Variants in ELAVL3 observed in about 807,000 individuals in gnomAD.
ELAVL3 encodes the protein ELAV-like protein 3.
Under a neutral mutation model 34.2 loss-of-function variants are expected in ELAVL3, and 8 were observed. The ratio of observed to expected loss-of-function variants is 0.23; its 90% CI spans 0.14 to 0.42. The LOEUF (loss-of-function observed/expected upper bound fraction) is 0.42. ELAVL3 is among the 10% of genes least tolerant of loss of function. ELAVL3 has a pLI of 1.00. For synonymous variants in ELAVL3, 209 were observed against 222.1 expected, an observed-to-expected ratio of 0.94 and a Z score of 0.53; for missense variants, 273 against 518.8, an observed-to-expected ratio of 0.53 and a Z score of 4.60.
chr19:11,457,028 A>G, intron 6 of ELAVL3, 82 bp downstream of exon 6: 2 of 1,247,318 alleles, frequency 1.6e-6, no homozygotes, highest in Non-Finnish European at 2.1e-6. Flanking sequence ...CTAAGCCTGC[A>G]GCCCTGGGGG....
chr19:11,458,692 T>A lies in ELAVL3; in HGVS notation c.334-81A>T. On this transcript the variant is annotated intron_variant, in intron 3 of 6. Coordinates refer to ENST00000359227, the MANE Select transcript of ELAVL3 (RefSeq NM_001420.4). This position sits in a 1 kb window ranked among gnomAD's most constrained non-coding sequence, Gnocchi z 7.3. ...AGAGAGTGAGGCCATGTCTAAACCA[T>A]CACGGAGTTAGCAGAAGTGACCCAT... The A allele has an allele frequency of 1.3e-6, 2 of 1,553,856 alleles. No individual in the cohort carries two copies. The highest frequency in any genetic ancestry group is 1.7e-6 in the Non-Finnish European group (2 of 1,144,226).
Position 11,454,830 on chromosome 19 carries a change from A to G in ELAVL3, c.800T>C (p.Met267Thr). The change falls in exon 7 of 7, where the codon ATG becomes ACG. Residue 267 changes from methionine to threonine, a missense_variant. Around this residue, in one of 4 missense-constraint regions of ELAVL3, gnomAD observed 79 missense variants for 108.2 expected, o/e 0.73. Transcript: ENST00000359227. This position sits in a 1 kb window ranked among gnomAD's most constrained non-coding sequence, Gnocchi z 9.2. Reference protein sequence around the residue: ...ARFSPIAIDGMSGLAGVGLSG... With the variant: ...ARFSPIAIDGTSGLAGVGLSG... ...CAGGCCCACGCCCGCCAGGCCGCTC[A>G]TACCATCGATGGCGATCGGCGAGAA... is the stretch of plus-strand genomic sequence containing the variant. The G allele has an allele frequency of 6.2e-7, 1 of 1,609,004 alleles. No individual in the cohort carries two copies.
chr19:11,467,685 C>T (rs185065817), intron 1 of ELAVL3, among the ~76,000 whole-genome samples: 9 of 152,014 alleles, frequency 5.9e-5, no homozygotes, highest in African/African-American at 1.7e-4. Flanking sequence ...GGTTTCGGCA[C>T]GTTGGCCAGG....
Position 11,480,104 on chromosome 19 carries a change from C to T in ELAVL3, c.9+496G>A. 6.5e-6 allele frequency: 1 copy of T among 153,184 alleles called. No individual in the cohort carries two copies. The highest frequency in any genetic ancestry group is 2.4e-5 in the African/African-American group (1 of 41,586). The allele number at this position is 153,184 out of a possible 1,614,324, so 9.5% of individuals were successfully genotyped here. On this transcript the variant is annotated intron_variant, in intron 1 of 6. Coordinates refer to ENST00000359227, the MANE Select transcript of ELAVL3 (RefSeq NM_001420.4). The surrounding 1 kb of genome is among the most constrained non-coding windows in gnomAD (Gnocchi z 6.8). ...CCCTCCCCGCTTGCCGCAAGGTCGA[C>T]GGGCTCGAGGACGAGACGCCCGCCT...
intron 3 of ELAVL3, among the ~76,000 whole-genome samples, chr19:11,463,876 G>A (rs1193494921): frequency 6.6e-6 from 1 of 151,898 alleles, no homozygotes; most frequent in African/African-American, 2.4e-5. Context: ...GGCTGAGGCA[G>A]GAGAATCGCT....
At chr19:11,464,673 TCACA>T (rs1169363494) in intron 3 of ELAVL3, among the ~76,000 whole-genome samples, 3 of 37,226 alleles carry the variant, frequency 8.1e-5, no homozygotes, top group Admixed American at 3.5e-4. Flanking sequence ...CATACACACA[TCACA>T]CACACACCCC....
chr19:11,469,079 C>G (rs1399383501), intron 1 of ELAVL3, among the ~76,000 whole-genome samples: 1 of 152,004 alleles, frequency 6.6e-6, no homozygotes, highest in African/African-American at 2.4e-5. Context: ...GCCTCCAAGC[C>G]TGGCTACTTT....
At position 11,455,283 on chromosome 19, in the gene ELAVL3, C is replaced by G. The variant is rs189822020; in HGVS notation, c.753-406G>C. Among the ~76,000 whole-genome samples, 8 of 148,302 alleles carry G rather than the reference C, an allele frequency of 5.4e-5. No individual in the cohort carries two copies. The East Asian group carries it at 1.6e-3, about 30-fold the overall frequency. On this transcript the variant is annotated intron_variant, in intron 6 of 6. Transcript: ENST00000359227. Reference sequence around the variant, plus strand: ...CCAAGTAGCTGGGACTACAGGTGCACCACTATGCCCCACTAATTTTTTTTT... The same window carrying G: ...CCAAGTAGCTGGGACTACAGGTGCAGCACTATGCCCCACTAATTTTTTTTT...
intron 1 of ELAVL3, among the ~76,000 whole-genome samples, chr19:11,471,831 A>C (rs1298405282): frequency 6.6e-6 from 1 of 152,146 alleles, no homozygotes; most frequent in African/African-American, 2.4e-5. Context: ...TATGCCTGCT[A>C]GGGCCTCTGT....
intron 1 of ELAVL3, among the ~76,000 whole-genome samples, chr19:11,468,910 A>G (rs560224099): frequency 6.6e-6 from 1 of 151,882 alleles, no homozygotes; most frequent in Non-Finnish European, 1.5e-5. Context: ...AATTGAAACC[A>G]TTTTTTAGCT....
chr19:11,455,576 C>T (rs946599123), intron 6 of ELAVL3, among the ~76,000 whole-genome samples: 3 of 151,994 alleles, frequency 2.0e-5, no homozygotes, highest in South Asian at 2.1e-4. Flanking sequence ...CATGAGCCAC[C>T]GCACCCAGCC....
At chr19:11,455,508 A>G (rs1599527063) in intron 6 of ELAVL3, among the ~76,000 whole-genome samples, 1 of 151,904 alleles carries the variant, frequency 6.6e-6, no homozygotes, top group African/African-American at 2.4e-5. Flanking sequence ...GCTGGTCTCG[A>G]ACTCCCGACC....
At chr19:11,457,278 C>A (rs1052215554) in intron 5 of ELAVL3, 130 bp from the exon 6 acceptor site, 3 of 1,008,524 alleles carry the variant, frequency 3.0e-6, no homozygotes, top group Non-Finnish European at 4.2e-6. Flanking sequence ...TGCCTGCTCC[C>A]CGCCCGCCCG....
At position 11,478,981 on chromosome 19, in the gene ELAVL3, A is replaced by G. The variant is rs553414243; in HGVS notation, c.9+1619T>C. Among the ~76,000 whole-genome samples, 5 of 151,470 alleles carry G rather than the reference A, an allele frequency of 3.3e-5. No individual in the cohort carries two copies. The South Asian group carries it at 1.0e-3, about 32-fold the overall frequency. ...AGGGTCCTCCTGGTCTTAATTTGTC[A>G]CCTCTCTTCCTCCCAGCCTGTCCCC... On this transcript the variant is annotated intron_variant, in intron 1 of 6. Transcript: ENST00000359227.
chr19:11,455,890 T>C (rs1427612093), intron 6 of ELAVL3, among the ~76,000 whole-genome samples: 4 of 152,096 alleles, frequency 2.6e-5, no homozygotes, highest in Non-Finnish European at 5.9e-5. Context: ...TCACTGGCAA[T>C]CCCGCCCTTG....
At chr19:11,479,520 C>T in intron 1 of ELAVL3, among the ~76,000 whole-genome samples, 1 of 151,780 alleles carries the variant, frequency 6.6e-6, no homozygotes. Context: ...GCGCGGGGAG[C>T]GGAGTCGCGC....
intron 3 of ELAVL3, among the ~76,000 whole-genome samples, chr19:11,461,234 T>G (rs1281750072): frequency 1.3e-5 from 2 of 151,824 alleles, no homozygotes; most frequent in Non-Finnish European, 2.9e-5. Context: ...GAAACGGTGG[T>G]GACTGGTGAG....
chr19:11,457,612 T>C (rs766867197), intron 5 of ELAVL3, among the ~76,000 whole-genome samples: 2 of 152,140 alleles, frequency 1.3e-5, no homozygotes, highest in African/African-American at 4.8e-5. Context: ...CTCTGCTCTG[T>C]TTGGGCCAGG....
At chr19:11,460,651 A>G (rs916451955) in intron 3 of ELAVL3, among the ~76,000 whole-genome samples, 1 of 151,872 alleles carries the variant, frequency 6.6e-6, no homozygotes, top group Non-Finnish European at 1.5e-5. Flanking sequence ...TCTGCCTGGA[A>G]TGCTCTTCCT....
Sources: allele counts gnomAD v4.1 joint callset (sites outside exome capture counted in the v4.1 genomes callset), GRCh38; gene constraint gnomAD v4.1.1; regional missense constraint gnomAD v4.1.1; non-coding constraint Gnocchi (gnomAD v3.1); transcripts MANE v1.5; gene names NCBI Gene and HGNC (gene_info 2026-07-23, HGNC 2026-07-21).